NDUFAF6: variants seen among roughly 807,000 people sequenced by gnomAD.
NDUFAF6 encodes NADH:ubiquinone oxidoreductase complex assembly factor 6.
Under a neutral mutation model 40.8 loss-of-function variants are expected in NDUFAF6, and 45 were observed. The ratio of observed to expected loss-of-function variants is 1.10; its 90% CI spans 0.87 to 1.42. NDUFAF6 has a LOEUF of 1.42. NDUFAF6 is among the 40% of genes most tolerant of loss of function. The pLI is 0.00. For missense variants in NDUFAF6, 435 were observed against 418.5 expected (o/e 1.04, Z -0.34); for synonymous variants, 185 against 155.9 (o/e 1.19, Z -1.39).
chr8:94,978,858 G>T (rs1011327979), intron 1 of NDUFAF6, among the ~76,000 whole-genome samples: 3 of 152,206 alleles, frequency 2.0e-5, no homozygotes, highest in Non-Finnish European at 4.4e-5. Flanking sequence ...ACTACCTGCA[G>T]TTGGCATCTG....
chr8:94,932,471 C>G (rs941785130), intron 1 of NDUFAF6, among the ~76,000 whole-genome samples: 2 of 152,224 alleles, frequency 1.3e-5, no homozygotes, highest in African/African-American at 4.8e-5. Flanking sequence ...TTGGTAACAC[C>G]TGATTTCCAC....
chr8:94,956,945 C>T (rs1309399570), upstream of NDUFAF6, among the ~76,000 whole-genome samples: 2 of 151,960 alleles, frequency 1.3e-5, no homozygotes, highest in South Asian at 2.1e-4. Flanking sequence ...CTGAGGTGGG[C>T]GGATCACTTG....
intron 1 of NDUFAF6, among the ~76,000 whole-genome samples, chr8:94,914,780 G>A (rs1216747491): frequency 6.6e-6 from 1 of 151,918 alleles, no homozygotes; most frequent in Non-Finnish European, 1.5e-5. Flanking sequence ...AGCTGGGCAT[G>A]GTGATGCGCA....
At chr8:94,897,865 A>G (rs967370803) in intron 1 of NDUFAF6, among the ~76,000 whole-genome samples, 1 of 152,186 alleles carries the variant, frequency 6.6e-6, no homozygotes, top group Non-Finnish European at 1.5e-5. Flanking sequence ...TTTTATAGCC[A>G]GTATTCAGCA....
intron 2 of NDUFAF6, among the ~76,000 whole-genome samples, chr8:95,089,357 GC>G (rs954117906): frequency 6.6e-6 from 1 of 152,120 alleles, no homozygotes; most frequent in African/African-American, 2.4e-5. Flanking sequence ...ACAGGTGTGA[GC>G]CACCGTACCC....
At chr8:95,027,146 C>T (rs117661929) in intron 1 of NDUFAF6, among the ~76,000 whole-genome samples, 257 of 152,268 alleles carry the variant, frequency 1.7e-3, no homozygotes, top group Non-Finnish European at 2.2e-3. Flanking sequence ...TACAAATGGT[C>T]AGTTACTTAA....
chr8:95,097,039 G>C (rs1035733683), upstream of NDUFAF6, among the ~76,000 whole-genome samples: 4 of 152,218 alleles, frequency 2.6e-5, no homozygotes, highest in Non-Finnish European at 5.9e-5. Flanking sequence ...CTAACAGGGG[G>C]TTAAGGAGAG....
At chr8:95,073,613 A>G (rs768768834) in intron 9 of NDUFAF6, among the ~76,000 whole-genome samples, 1 of 151,956 alleles carries the variant, frequency 6.6e-6, no homozygotes, top group African/African-American at 2.4e-5. Flanking sequence ...ATCCACTGCC[A>G]TGGCTCATTC....
intron 2 of NDUFAF6, among the ~76,000 whole-genome samples, chr8:95,019,747 T>C (rs1320111145): frequency 6.6e-6 from 1 of 152,202 alleles, no homozygotes; most frequent in Non-Finnish European, 1.5e-5. Context: ...ATGAAAAATA[T>C]GCCACCTAAT....
chr8:95,051,280 T>C (rs1256856827), intron 7 of NDUFAF6, among the ~76,000 whole-genome samples: 2 of 151,962 alleles, frequency 1.3e-5, no homozygotes, highest in African/African-American at 2.4e-5. Context: ...AAGGAAAGAA[T>C]GTTCAGAGGA....
At chr8:94,961,320 AGTACAGTTGTCTAATGACTT>A (rs1441452921) in intron 1 of NDUFAF6, among the ~76,000 whole-genome samples, 1 of 152,270 alleles carries the variant, frequency 6.6e-6, no homozygotes, top group Non-Finnish European at 1.5e-5. Flanking sequence ...ATTTTAAATC[AGTACAGTTGTCTAATGACTT>A]ACAGTTTCAA....
intron 2 of NDUFAF6, among the ~76,000 whole-genome samples, chr8:95,094,993 C>T (rs540489462): frequency 2.6e-5 from 4 of 151,684 alleles, no homozygotes; most frequent in South Asian, 2.1e-4. Flanking sequence ...TCTTGAACTA[C>T]TGGCCTCAAA....
intron 1 of NDUFAF6, among the ~76,000 whole-genome samples, chr8:94,918,289 A>T (rs1312232039): frequency 6.6e-6 from 1 of 152,140 alleles, no homozygotes; most frequent in Non-Finnish European, 1.5e-5. Flanking sequence ...ACTTGGTTTG[A>T]AGCAGAGAAC....
At chr8:94,956,830 G>T (rs1823117013), upstream of NDUFAF6, among the ~76,000 whole-genome samples, 1 of 152,102 alleles carries the variant, frequency 6.6e-6, no homozygotes, top group Non-Finnish European at 1.5e-5. Flanking sequence ...GAGAATCAAG[G>T]ATGGTGCTTG....
chr8:94,959,844 C>CT (rs1278887481), intron 1 of NDUFAF6, among the ~76,000 whole-genome samples: 3 of 152,154 alleles, frequency 2.0e-5, no homozygotes, highest in Non-Finnish European at 4.4e-5. Flanking sequence ...CTGGCCTGGC[C>CT]TATTTGTATG....
intron 1 of NDUFAF6, among the ~76,000 whole-genome samples, chr8:94,916,092 G>A (rs565154077): frequency 6.6e-6 from 1 of 152,174 alleles, no homozygotes; most frequent in Non-Finnish European, 1.5e-5. Flanking sequence ...TGTACTTTAG[G>A]CAGTGAGGCA....
At chr8:95,094,435 CAG>C (rs1809379022) in intron 2 of NDUFAF6, among the ~76,000 whole-genome samples, 2 of 115,380 alleles carry the variant, frequency 1.7e-5, no homozygotes, top group South Asian at 5.9e-4. Flanking sequence ...TTTTTTGAGA[CAG>C]AGTCTCACTC....
chr8:95,047,279 G>A, intron 6 of NDUFAF6, 152 bp downstream of exon 6: 1 of 1,116,062 alleles, frequency 9.0e-7, no homozygotes, highest in Non-Finnish European at 1.3e-6. Context: ...TTATCCCAGA[G>A]TTATCAAGTC....
At chr8:94,930,755 T>C in intron 1 of NDUFAF6, 1 of 1,610,894 alleles carries the variant, frequency 6.2e-7, no homozygotes, top group African/African-American at 1.3e-5. Flanking sequence ...TGGGGATGTA[T>C]TAAATAACAG....
Sources: allele counts gnomAD v4.1 joint callset (sites outside exome capture counted in the v4.1 genomes callset), GRCh38; gene constraint gnomAD v4.1.1; transcripts MANE v1.5; gene names NCBI Gene and HGNC (gene_info 2026-07-23, HGNC 2026-07-21).